SLC52A3: variants seen among roughly 807,000 people sequenced by gnomAD.
SLC52A3 encodes solute carrier family 52, riboflavin transporter, member 3.
In SLC52A3, 20 loss-of-function variants were observed where a neutral mutation model predicts 29.5. The observed-to-expected ratio is 0.68, with a 90% CI of 0.48 to 0.99. The LOEUF is 0.99. Among genes scored for constraint, SLC52A3 ranks in the 50% least tolerant of loss-of-function variants. The pLI is 0.00. For synonymous variants in SLC52A3, 301 were observed against 271.0 expected, an observed-to-expected ratio of 1.11 and a Z score of -1.09; for missense variants, 548 against 612.9, an observed-to-expected ratio of 0.89 and a Z score of 1.12.
chr20:763,214 C>T (rs1002549255), intron 3 of SLC52A3, among the ~76,000 whole-genome samples: 5 of 152,232 alleles, frequency 3.3e-5, no homozygotes, highest in African/African-American at 7.2e-5. Context: ...TGCCAGGCAC[C>T]GCTCCAAGAG....
chr20:774,160 C>G (rs1280160521), intron 1 of SLC52A3, among the ~76,000 whole-genome samples: 1 of 152,222 alleles, frequency 6.6e-6, no homozygotes, highest in Non-Finnish European at 1.5e-5. Context: ...TGGGTTCTCG[C>G]TCTGCAGGGA....
At chr20:771,355 A>G (rs1986836130), upstream of SLC52A3, among the ~76,000 whole-genome samples, 1 of 151,962 alleles carries the variant, frequency 6.6e-6, no homozygotes, top group African/African-American at 2.4e-5. Flanking sequence ...TGAACTCGGG[A>G]TGTGGAGGTT....
rs185681503 is a variant in SLC52A3, at chr20:760,641, C to A, written c.*385G>T. The A allele has an allele frequency of 1.6e-4, 40 of 246,576 alleles. No individual in the cohort carries two copies. Among genetic ancestry groups the A allele is most frequent in the Admixed American group, 1.6e-3 (33 of 20,348 alleles). The allele number at this position is 246,576 out of a possible 1,614,324, so 15.3% of individuals were successfully genotyped here. On this transcript the variant is annotated 3_prime_UTR_variant, in exon 5 of 5. Transcript: ENST00000645534. This position sits in a 1 kb window ranked among gnomAD's most constrained non-coding sequence, Gnocchi z 4.9. ...TAGTTGGTACTTACTGGAATCCCCA[C>A]TGCATGCATGAAGAAACAGGCACAG...
At chr20:771,961 T>C (rs1031966775), upstream of SLC52A3, among the ~76,000 whole-genome samples, 7 of 152,134 alleles carry the variant, frequency 4.6e-5, 1 homozygote, top group Admixed American at 4.6e-4. Flanking sequence ...AACAAGGATA[T>C]AGCAAAAGCA....
chr20:771,090 T>G (rs1281205873), upstream of SLC52A3, among the ~76,000 whole-genome samples: 1 of 152,262 alleles, frequency 6.6e-6, no homozygotes, highest in African/African-American at 2.4e-5. Context: ...AAGAAACTTC[T>G]ATGTTGTTTA....
At chr20:770,955 G>A (rs899744283), upstream of SLC52A3, among the ~76,000 whole-genome samples, 8 of 152,226 alleles carry the variant, frequency 5.3e-5, no homozygotes, top group African/African-American at 1.9e-4. The surrounding 1 kb of genome is among the most constrained non-coding windows in gnomAD (Gnocchi z 4.5). Flanking sequence ...TATGAGGCAT[G>A]TGGTGGGGGT....
chr20:776,753 A>G (rs1987044644), upstream of SLC52A3, among the ~76,000 whole-genome samples: 1 of 151,320 alleles, frequency 6.6e-6, no homozygotes. Context: ...GTATAGGGGA[A>G]GAGTTGGGGG....
At chr20:778,334 C>T (rs1221315547), upstream of SLC52A3, among the ~76,000 whole-genome samples, 1 of 151,760 alleles carries the variant, frequency 6.6e-6, no homozygotes, top group African/African-American at 2.4e-5. Flanking sequence ...CTTTTATCTG[C>T]ACAGGAAGAC....
intron 1 of SLC52A3, among the ~76,000 whole-genome samples, chr20:766,759 C>T (rs889066479): frequency 6.6e-6 from 1 of 152,288 alleles, no homozygotes; most frequent in Admixed American, 6.5e-5. Flanking sequence ...TCACACAAAG[C>T]CTGTTTGATG....
In SLC52A3 at chr20:765,598, G is replaced by A. The variant is rs1273477517; in HGVS notation, c.177C>T (p.Thr59=). The A allele has an allele frequency of 6.3e-7, 1 of 1,594,734 alleles. No individual in the cohort carries two copies. The change falls in exon 2 of 5, where the codon ACC becomes ACT. Residue 59 remains threonine, a synonymous_variant. Coordinates refer to ENST00000645534, the MANE Select transcript of SLC52A3 (RefSeq NM_033409.4). The surrounding 1 kb of genome is among the most constrained non-coding windows in gnomAD (Gnocchi z 6.6). ...AGCTGGGCCGGAAGTGATGGAGCAG[G>A]GTGACCAGGAGGGGCCCGATGTTGG... ...QLANIGPLLV[T]LLHHFRPSCL...
In SLC52A3 at chr20:764,666, G is replaced by C. The variant is rs148815120; in HGVS notation, c.567+542C>G. Among the ~76,000 whole-genome samples, 728 of 152,324 alleles carry C rather than the reference G, an allele frequency of 4.8e-3. 5 individuals carry two copies. The highest frequency in any genetic ancestry group is 0.016 in the African/African-American group (674 of 41,572). ...CCTATTGGCATATTTTTTATTTCTA[G>C]CTGGTTATTTTGAAAAATTGCAGGC... On this transcript the variant is annotated intron_variant, in intron 2 of 4. Coordinates refer to ENST00000645534, the MANE Select transcript of SLC52A3 (RefSeq NM_033409.4).
intron 4 of SLC52A3, 187 bp from the exon 5 acceptor site, chr20:761,425 C>T (rs1439784450): frequency 2.6e-6 from 2 of 776,960 alleles, no homozygotes; most frequent in African/African-American, 3.5e-5. Context: ...AAGGAGAATC[C>T]AGTGGCTTTT....
intron 1 of SLC52A3, among the ~76,000 whole-genome samples, chr20:774,799 G>C (rs534641805): frequency 7.4e-4 from 112 of 152,286 alleles, no homozygotes; most frequent in African/African-American, 2.5e-3. Flanking sequence ...GCACAGGTGG[G>C]GAAACCAAGG....
upstream of SLC52A3, among the ~76,000 whole-genome samples, chr20:777,531 T>C (rs1210002370): frequency 6.6e-6 from 1 of 152,214 alleles, no homozygotes; most frequent in Non-Finnish European, 1.5e-5. Context: ...CAGACTCAAA[T>C]TGGTGCCTCC....
chr20:761,412 G>T, intron 4 of SLC52A3, 174 bp from the exon 5 acceptor site: 1 of 814,046 alleles, frequency 1.2e-6, no homozygotes. Flanking sequence ...CCGCCCGGGG[G>T]CGAAGGAGAA....
intron 3 of SLC52A3, among the ~76,000 whole-genome samples, chr20:762,135 C>A (rs1266388834): frequency 6.6e-6 from 1 of 152,196 alleles, no homozygotes; most frequent in Non-Finnish European, 1.5e-5. Flanking sequence ...GCCTCCAAAT[C>A]GGAGTTTTGC....
chr20:762,725 T>C (rs901458554), intron 3 of SLC52A3, among the ~76,000 whole-genome samples: 11 of 152,150 alleles, frequency 7.2e-5, no homozygotes, highest in African/African-American at 2.7e-4. Context: ...AGGTAGAAAA[T>C]CCAGCTTCCT....
At chr20:766,790 G>A (rs574687927) in intron 1 of SLC52A3, among the ~76,000 whole-genome samples, 10 of 152,274 alleles carry the variant, frequency 6.6e-5, no homozygotes, top group East Asian at 5.8e-4. Context: ...ATGGACGCGC[G>A]TGACATTCCT....
Position 760,549 on chromosome 20 carries a change from G to GAC in SLC52A3, c.*476_*477insGT, listed in dbSNP as rs1470597857. 2 of 170,296 alleles carry GAC rather than the reference G, an allele frequency of 1.2e-5. No individual in the cohort carries two copies. The highest frequency in any genetic ancestry group is 4.7e-5 in the African/African-American group (2 of 42,126). 10.5% of individuals were successfully genotyped at this position (170,296 alleles called of 1,614,324 possible). On this transcript the variant is annotated 3_prime_UTR_variant, in exon 5 of 5. Transcript: ENST00000645534. The surrounding 1 kb of genome is among the most constrained non-coding windows in gnomAD (Gnocchi z 4.9). ...CTACGATGGACTGTCAGATCAGCAG[G>GAC]TGGCCCAGGAGGGCTTGCTTGATGC...
Sources: allele counts gnomAD v4.1 joint callset (sites outside exome capture counted in the v4.1 genomes callset), GRCh38; gene constraint gnomAD v4.1.1; non-coding constraint Gnocchi (gnomAD v3.1); transcripts MANE v1.5; gene names NCBI Gene and HGNC (gene_info 2026-07-23, HGNC 2026-07-21).